CDH6: variants seen among roughly 807,000 people sequenced by gnomAD.
CDH6 encodes the protein cadherin-6.
A neutral mutation model predicts 78.0 loss-of-function variants in CDH6; 31 were observed. That is an observed-to-expected ratio of 0.40 (90% CI 0.30 to 0.54). The LOEUF (loss-of-function observed/expected upper bound fraction) is 0.54, where lower values mean the gene tolerates loss of function less well. Ranked by LOEUF, CDH6 falls within the 20% of genes least tolerant of loss-of-function variation. The pLI, the probability that CDH6 is intolerant of heterozygous loss-of-function variation, is 0.56. For synonymous variants in CDH6, 376 were observed against 368.8 expected, an observed-to-expected ratio of 1.02 and a Z score of -0.23; for missense variants, 724 against 975.9, an observed-to-expected ratio of 0.74 and a Z score of 3.44.
intron 5 of CDH6, among the ~76,000 whole-genome samples, chr5:31,300,841 TG>T (rs2149950882): frequency 6.6e-6 from 1 of 152,260 alleles, no homozygotes; most frequent in Non-Finnish European, 1.5e-5. Flanking sequence ...ATACTTAACC[TG>T]GGGCACACCA....
chr5:31,240,386 G>T (rs1741567057), intron 1 of CDH6, among the ~76,000 whole-genome samples: 1 of 152,140 alleles, frequency 6.6e-6, no homozygotes, highest in Non-Finnish European at 1.5e-5. Context: ...AAGACCAGAG[G>T]TGCTGATTGG....
At chr5:31,212,676 C>A (rs1353585198) in intron 1 of CDH6, among the ~76,000 whole-genome samples, 10 of 151,992 alleles carry the variant, frequency 6.6e-5, no homozygotes, top group Non-Finnish European at 1.5e-4. Context: ...TGTTTGCCGG[C>A]CTGCCCTTGT....
At chr5:31,227,318 G>A (rs557585908) in intron 1 of CDH6, among the ~76,000 whole-genome samples, 2 of 152,072 alleles carry the variant, frequency 1.3e-5, no homozygotes, top group South Asian at 4.2e-4. Context: ...AATCTACTTG[G>A]GCTTTGGGAT....
chr5:31,298,935 T>C (rs1417824328), intron 4 of CDH6, among the ~76,000 whole-genome samples: 1 of 152,186 alleles, frequency 6.6e-6, no homozygotes, highest in Non-Finnish European at 1.5e-5. Flanking sequence ...ACCATAGTTT[T>C]ACAATTTAGA....
At chr5:31,206,852 C>A (rs1188267301) in intron 1 of CDH6, among the ~76,000 whole-genome samples, 4 of 151,992 alleles carry the variant, frequency 2.6e-5, no homozygotes, top group African/African-American at 9.7e-5. Context: ...TGGCTTTGAA[C>A]CTCCTACTCA....
chr5:31,316,826 T>A lies in CDH6; in HGVS notation c.1512+497T>A, dbSNP rs3792834. Among the ~76,000 whole-genome samples, 1,249 of 152,302 alleles carry A rather than the reference T, an allele frequency of 8.2e-3. 59 individuals carry two copies. The East Asian group carries it at 0.12, about 14-fold the overall frequency. ...TCAGTTTGTGAAAATAGAAGTACACTGTTAAAGTACATGTGCAAGTAGAAA... is the reference window on the plus strand; with the variant it reads ...TCAGTTTGTGAAAATAGAAGTACACAGTTAAAGTACATGTGCAAGTAGAAA... On this transcript the variant is annotated intron_variant, in intron 9 of 11. Transcript: ENST00000265071.
chr5:31,301,240 C>T (rs190073281), intron 5 of CDH6, among the ~76,000 whole-genome samples: 1 of 152,212 alleles, frequency 6.6e-6, no homozygotes, highest in African/African-American at 2.4e-5. Context: ...TGAACGCCTA[C>T]ATTTTAGTAG....
intron 2 of CDH6, among the ~76,000 whole-genome samples, chr5:31,281,480 T>A (rs1446633990): frequency 6.6e-6 from 1 of 152,160 alleles, no homozygotes; most frequent in African/African-American, 2.4e-5. Context: ...GGGATCTGGC[T>A]CTCAGCTTGA....
chr5:31,224,710 C>T (rs1238339945), intron 1 of CDH6, among the ~76,000 whole-genome samples: 3 of 152,116 alleles, frequency 2.0e-5, no homozygotes, highest in African/African-American at 7.2e-5. Context: ...CGTGCCACCA[C>T]ACCCCTCTAA....
rs531656906 is a variant in CDH6 at position 31,238,344 on chromosome 5, T to C, written c.-128-29002T>C. Among the ~76,000 whole-genome samples the C allele has an allele frequency of 1.6e-4, 25 of 152,278 alleles. 1 individual carries two copies. Among genetic ancestry groups the C allele is most frequent in the African/African-American group, 6.0e-4 (25 of 41,562 alleles). On this transcript the variant is annotated intron_variant, in intron 1 of 11. Transcript: ENST00000265071. Reference sequence around the variant, plus strand: ...GAACTGAAATGTACCCATTACAAAGTATATTTTACTATTTCAAGGAAAGAT... The same window carrying C: ...GAACTGAAATGTACCCATTACAAAGCATATTTTACTATTTCAAGGAAAGAT...
chr5:31,263,712 CCCACCT>C (rs1742273034), intron 1 of CDH6, among the ~76,000 whole-genome samples: 1 of 151,964 alleles, frequency 6.6e-6, no homozygotes, highest in Non-Finnish European at 1.5e-5. Context: ...TTTTAAAATC[CCCACCT>C]CTTAATACTG....
intron 7 of CDH6, among the ~76,000 whole-genome samples, chr5:31,309,902 C>G (rs1738095553): frequency 6.6e-6 from 1 of 152,208 alleles, no homozygotes; most frequent in Non-Finnish European, 1.5e-5. Flanking sequence ...CACCAGGTGC[C>G]TCCTCTGACA....
intron 1 of CDH6, among the ~76,000 whole-genome samples, chr5:31,204,690 T>C (rs1740465164): frequency 6.6e-6 from 1 of 152,202 alleles, no homozygotes; most frequent in African/African-American, 2.4e-5. Context: ...ATAATCTTTT[T>C]ATCACGGCTG....
rs1737954518 is a variant in CDH6, at chr5:31,305,291, G to A, written c.1117G>A (p.Val373Met). 1.2e-6 allele frequency: 2 copies of A among 1,614,154 alleles called. No individual in the cohort carries two copies. Among genetic ancestry groups the A allele is most frequent in the East Asian group, 2.2e-5 (1 of 44,862 alleles). Residue 373 changes from valine (V) to methionine (M), a missense_variant, in exon 7 of 12, where the codon GTG becomes ATG. By Grantham distance (21) the Val-to-Met change is conservative. Around this residue, in one of 3 missense-constraint regions of CDH6, gnomAD observed 446 missense variants for 684.5 expected, o/e 0.65. Transcript: ENST00000265071. Reference protein sequence around the residue: ...PFKDSATVRIVVEDVDEPPVF... With the variant: ...PFKDSATVRIMVEDVDEPPVF... ...CAAAGATTCAGCCACGGTTAGAATT[G>A]TGGTGGAGGATGTAGATGAGCCACC...
At chr5:31,229,703 C>G (rs1363338921) in intron 1 of CDH6, among the ~76,000 whole-genome samples, 2 of 152,148 alleles carry the variant, frequency 1.3e-5, no homozygotes, top group African/African-American at 4.8e-5. Flanking sequence ...AAGAGAAATG[C>G]AATTGTGGAC....
chr5:31,198,522 G>A (rs1181031319), intron 1 of CDH6, among the ~76,000 whole-genome samples: 2 of 152,166 alleles, frequency 1.3e-5, no homozygotes, highest in Non-Finnish European at 2.9e-5. Flanking sequence ...TCATATTTCA[G>A]CACTTGAAAG....
Position 31,265,273 on chromosome 5 carries a change from T to C in CDH6, c.-128-2073T>C, listed in dbSNP as rs184481750. ...AGAGAGAAGAATCATTCGTACCTAA[T>C]TGATCGTCAGTCATTCCACCCCTGT... On this transcript the variant is annotated intron_variant, in intron 1 of 11. Transcript: ENST00000265071. Among the ~76,000 whole-genome samples the C allele has an allele frequency of 3.7e-4, 57 of 152,312 alleles. 1 individual carries two copies. In the East Asian group the frequency reaches 8.5e-3, roughly 23 times the overall value.
Position 31,193,737 on chromosome 5 carries a change from C to G in CDH6, c.-278C>G, listed in dbSNP as rs1311385671. Reference sequence around the variant, plus strand: ...GTGTGCCCACAAGAGCCAGCTCTCCCGAGCCCGTAACCTTCGCATCCCAAG... The same window carrying G: ...GTGTGCCCACAAGAGCCAGCTCTCCGGAGCCCGTAACCTTCGCATCCCAAG... On this transcript the variant is annotated 5_prime_UTR_variant, in exon 1 of 12. Coordinates refer to ENST00000265071, the MANE Select transcript of CDH6 (RefSeq NM_004932.4). 3 of 152,536 alleles carry G rather than the reference C, an allele frequency of 2.0e-5. 1 individual carries two copies. Among genetic ancestry groups the G allele is most frequent in the African/African-American group, 7.2e-5 (3 of 41,406 alleles). 9.4% of individuals were successfully genotyped at this position (152,536 alleles called of 1,614,324 possible).
chr5:31,220,706 G>A (rs1484263849), intron 1 of CDH6, among the ~76,000 whole-genome samples: 1 of 152,218 alleles, frequency 6.6e-6, no homozygotes, highest in East Asian at 1.9e-4. Context: ...ATCACTGAGG[G>A]GGCATATTCT....
Sources: allele counts gnomAD v4.1 joint callset (sites outside exome capture counted in the v4.1 genomes callset), GRCh38; gene constraint gnomAD v4.1.1; regional missense constraint gnomAD v4.1.1; transcripts MANE v1.5; gene names NCBI Gene and HGNC (gene_info 2026-07-23, HGNC 2026-07-21).